Variants in FSTL4 observed in about 807,000 individuals in gnomAD.
FSTL4 encodes follistatin like 4, also known as follistatin-related protein 4.
A neutral mutation model predicts 78.2 loss-of-function variants in FSTL4; 28 were observed. The observed-to-expected ratio is 0.36, with a 90% CI of 0.27 to 0.49. The LOEUF (loss-of-function observed/expected upper bound fraction) is 0.49. Among genes scored for constraint, FSTL4 ranks in the 20% least tolerant of loss-of-function variants. The probability of loss-of-function intolerance (pLI) is 0.98; values close to 1 mark genes in which losing one functional copy is unlikely to be tolerated. For synonymous variants in FSTL4, 422 were observed against 440.5 expected (o/e 0.96, Z 0.53); for missense variants, 922 against 1,084.9 (o/e 0.85, Z 2.11).
At chr5:133,678,800 G>C in the FSTL4 span, among the ~76,000 whole-genome samples, 1 of 152,112 alleles carries the variant, frequency 6.6e-6, no homozygotes, top group Non-Finnish European at 1.5e-5. Flanking sequence ...AGATCTAGGA[G>C]AAAACAGAGC....
the FSTL4 span, among the ~76,000 whole-genome samples, chr5:133,624,821 T>C: frequency 1.3e-5 from 2 of 151,808 alleles, no homozygotes; most frequent in Non-Finnish European, 3.0e-5. Flanking sequence ...TCATCTTGTC[T>C]ATATCTACAG....
At chr5:133,353,761 C>T (rs1420595344) in intron 4 of FSTL4, among the ~76,000 whole-genome samples, 1 of 152,222 alleles carries the variant, frequency 6.6e-6, no homozygotes, top group Non-Finnish European at 1.5e-5. Flanking sequence ...AATAACAACC[C>T]CAGAAGCAGG....
At chr5:133,787,819 CCT>C in the FSTL4 span, among the ~76,000 whole-genome samples, 3 of 152,102 alleles carry the variant, frequency 2.0e-5, no homozygotes, top group African/African-American at 7.2e-5. Flanking sequence ...CCAGACCCTG[CCT>C]CTCATCAAGG....
At chr5:133,309,500 A>C (rs1753728790) in intron 6 of FSTL4, among the ~76,000 whole-genome samples, 1 of 152,164 alleles carries the variant, frequency 6.6e-6, no homozygotes, top group Non-Finnish European at 1.5e-5. Flanking sequence ...ACCCTGGAGG[A>C]GAGTCACCTG....
intron 3 of FSTL4, among the ~76,000 whole-genome samples, chr5:133,559,362 C>T (rs570493781): frequency 1.3e-5 from 2 of 152,122 alleles, no homozygotes; most frequent in African/African-American, 2.4e-5. Context: ...GGTCAAGTAA[C>T]GAAGATGACA....
rs61460224 is a variant in FSTL4, at chr5:133,470,746, A to AAAAATAAAATAAAATAAAAT, written c.161-69780_161-69761dup. Among the ~76,000 whole-genome samples the AAAAATAAAATAAAATAAAAT allele has an allele frequency of 2.8e-3, 361 of 126,990 alleles. 1 individual carries two copies. The highest frequency in any genetic ancestry group is 4.6e-3 in the African/African-American group (145 of 31,726). The allele number at this position is 126,990 out of a possible 152,430, so 83.3% of individuals were successfully genotyped here. ...GGGAACAAGAGTGAAACTCTGCCTC[A>AAAAATAAAATAAAATAAAAT]AAAATAAAATAAAATAAAATAAAAT... On this transcript the variant is annotated intron_variant, in intron 3 of 15. Transcript: ENST00000265342.
chr5:133,564,816 T>C (rs79167072), intron 3 of FSTL4, among the ~76,000 whole-genome samples: 2 of 152,174 alleles, frequency 1.3e-5, no homozygotes, highest in African/African-American at 4.8e-5. Flanking sequence ...AGGCACACAA[T>C]GCATTCACTT....
chr5:133,238,693 CATG>C (rs1299051739), intron 7 of FSTL4, among the ~76,000 whole-genome samples: 1 of 152,270 alleles, frequency 6.6e-6, no homozygotes, highest in African/African-American at 2.4e-5. Flanking sequence ...ACGTGGTACA[CATG>C]ATGATGTACA....
chr5:133,390,880 G>A (rs1275701448), intron 4 of FSTL4, among the ~76,000 whole-genome samples: 1 of 136,902 alleles, frequency 7.3e-6, no homozygotes. Context: ...AGCAGGCAGA[G>A]AGGCTGAGTG....
the FSTL4 span, among the ~76,000 whole-genome samples, chr5:133,713,983 C>T: frequency 6.6e-6 from 1 of 152,152 alleles, no homozygotes; most frequent in Non-Finnish European, 1.5e-5. Flanking sequence ...GAGCTGCAGC[C>T]AGGGTTTTTC....
At chr5:133,595,888 C>T (rs538364607) in intron 2 of FSTL4, among the ~76,000 whole-genome samples, 50 of 152,198 alleles carry the variant, frequency 3.3e-4, no homozygotes, top group Non-Finnish European at 5.1e-4. Context: ...TTTTAGCCTC[C>T]GGGGCCCTCT....
chr5:133,733,299 C>T, the FSTL4 span, among the ~76,000 whole-genome samples: 2,716 of 152,264 alleles, frequency 0.018, 77 homozygotes, highest in African/African-American at 0.062. Flanking sequence ...TTTTGCCCTC[C>T]GTCCTTGAAA....
chr5:133,702,293 G>A, the FSTL4 span, among the ~76,000 whole-genome samples: 1 of 152,194 alleles, frequency 6.6e-6, no homozygotes, highest in African/African-American at 2.4e-5. Flanking sequence ...CCTAGACTCA[G>A]AGTGAGCAGA....
Position 133,499,369 on chromosome 5 carries a change from T to TACACACACACAC in FSTL4, c.160+67805_160+67816dup, listed in dbSNP as rs57363602. Among the ~76,000 whole-genome samples the TACACACACACAC allele has an allele frequency of 7.9e-3, 1,003 of 126,758 alleles. 13 individuals carry two copies. Among genetic ancestry groups the TACACACACACAC allele is most frequent in the East Asian group, 0.013 (49 of 3,888 alleles). 83.2% of individuals were successfully genotyped at this position (126,758 alleles called of 152,430 possible). A position where few individuals can be genotyped will look rare whatever the true frequency, so the allele number is the denominator to read the frequency against. ...CCCCTAGTAAGTAACACAAGGGGAA[T>TACACACACACAC]ACACACACACACACACACACACACA... On this transcript the variant is annotated intron_variant, in intron 3 of 15. Transcript: ENST00000265342.
the FSTL4 span, among the ~76,000 whole-genome samples, chr5:133,729,274 C>T: frequency 1.3e-5 from 2 of 151,946 alleles, no homozygotes; most frequent in East Asian, 3.9e-4. Flanking sequence ...TACCCCTGTC[C>T]AGGCAGCCAT....
intron 2 of FSTL4, among the ~76,000 whole-genome samples, chr5:133,598,744 T>C (rs940118339): frequency 8.5e-5 from 13 of 152,142 alleles, no homozygotes; most frequent in Admixed American, 5.2e-4. Context: ...GGGGAGACCA[T>C]TCTCGCCTCT....
chr5:133,271,866 G>A (rs1460665586), intron 6 of FSTL4, among the ~76,000 whole-genome samples: 1 of 152,210 alleles, frequency 6.6e-6, no homozygotes, highest in Non-Finnish European at 1.5e-5. Context: ...GCACCTGCAC[G>A]GTGCTGGGTG....
upstream of FSTL4, among the ~76,000 whole-genome samples, chr5:133,615,099 C>T (rs1279398318): frequency 2.0e-5 from 3 of 152,170 alleles, no homozygotes; most frequent in East Asian, 1.9e-4. Flanking sequence ...CCATGGGAAT[C>T]AGGAGGAAGC....
chr5:133,687,787 C>T, the FSTL4 span, among the ~76,000 whole-genome samples: 1 of 152,234 alleles, frequency 6.6e-6, no homozygotes, highest in African/African-American at 2.4e-5. Context: ...AGAGAGACGT[C>T]TATTTCTCTC....
Sources: allele counts gnomAD v4.1 joint callset (sites outside exome capture counted in the v4.1 genomes callset), GRCh38; gene constraint gnomAD v4.1.1; transcripts MANE v1.5; gene names NCBI Gene and HGNC (gene_info 2026-07-23, HGNC 2026-07-21).